Variants in NRXN2 observed in about 807,000 individuals in gnomAD.
NRXN2 encodes the protein neurexin 2.
In NRXN2, 29 loss-of-function variants were observed where a neutral mutation model predicts 128.8. That is an observed-to-expected ratio of 0.23 (90% CI 0.17 to 0.31). The LOEUF (loss-of-function observed/expected upper bound fraction) is 0.31, where lower values mean the gene tolerates loss of function less well. Ranked by LOEUF, NRXN2 falls within the 10% of genes least tolerant of loss-of-function variation. The pLI is 1.00. For synonymous variants in NRXN2, 1,098 were observed against 1,075.2 expected (o/e 1.02, Z -0.41); for missense variants, 1,881 against 2,452.6 (o/e 0.77, Z 4.92).
chr11:64,624,763 G>C (rs1418042812), intron 20 of NRXN2, among the ~76,000 whole-genome samples: 1 of 152,230 alleles, frequency 6.6e-6, no homozygotes, highest in Non-Finnish European at 1.5e-5. Flanking sequence ...TCTCTCTATT[G>C]TGAAGCATCT....
intron 1 of NRXN2, among the ~76,000 whole-genome samples, chr11:64,716,564 T>C (rs1295183271): frequency 1.3e-5 from 2 of 151,570 alleles, no homozygotes; most frequent in Non-Finnish European, 2.9e-5. Context: ...GTGGGAGGGG[T>C]GCCGTGCAGG....
intron 17 of NRXN2, among the ~76,000 whole-genome samples, chr11:64,646,017 A>G (rs1025078708): frequency 6.6e-6 from 1 of 152,170 alleles, no homozygotes; most frequent in Non-Finnish European, 1.5e-5. Flanking sequence ...ATGAAAAACC[A>G]GAGACAAGCT....
At chr11:64,702,877 C>A (rs1398184530) in intron 2 of NRXN2, among the ~76,000 whole-genome samples, 1 of 146,866 alleles carries the variant, frequency 6.8e-6, no homozygotes, top group Non-Finnish European at 1.5e-5. Context: ...GTAGTCCCAG[C>A]TACTCAGGAG....
At chr11:64,687,524 G>A (rs2053229224) in intron 5 of NRXN2, among the ~76,000 whole-genome samples, 1 of 152,214 alleles carries the variant, frequency 6.6e-6, no homozygotes, top group African/African-American at 2.4e-5. Flanking sequence ...GCTGGTGGGG[G>A]CCTGGGCAAC....
chr11:64,711,809 T>C (rs1162374014), intron 2 of NRXN2, among the ~76,000 whole-genome samples: 1 of 152,190 alleles, frequency 6.6e-6, no homozygotes, highest in Admixed American at 6.5e-5. Context: ...GTCAAGAGCC[T>C]GAGAAGCCTC....
chr11:64,666,903 T>C (rs1326953812), intron 9 of NRXN2, among the ~76,000 whole-genome samples: 1 of 152,080 alleles, frequency 6.6e-6, no homozygotes, highest in Non-Finnish European at 1.5e-5. Flanking sequence ...ATCTACTCTA[T>C]GTTGGCCACT....
Position 64,685,721 on chromosome 11 carries a change from G to A in NRXN2, c.1077C>T (p.Ala359=), listed in dbSNP as rs747366441. The change falls in exon 6 of 23, where the codon GCC becomes GCT. Residue 359 remains alanine (A), a synonymous_variant. Coordinates refer to ENST00000265459, the MANE Select transcript of NRXN2 (RefSeq NM_015080.4). The part of the protein sequence containing the change: ...VINLGSGAFE[A]LVEPVNGKFN... Reference sequence around the variant, plus strand: ...ACTTGCCATTGACGGGTTCCACAAGGGCCTCGAAGGCACCTGAGCCTAGGT... The same window carrying A: ...ACTTGCCATTGACGGGTTCCACAAGAGCCTCGAAGGCACCTGAGCCTAGGT... 3 of 1,614,240 alleles carry A rather than the reference G, an allele frequency of 1.9e-6. No individual in the cohort carries two copies. The highest frequency in any genetic ancestry group is 2.2e-5 in the East Asian group (1 of 44,884).
Position 64,685,887 on chromosome 11 carries a change from T to C in NRXN2, c.911A>G (p.His304Arg), listed in dbSNP as rs765437998. 1 of 1,614,186 alleles carries C rather than the reference T, an allele frequency of 6.2e-7. No homozygotes were observed. ...ATCAGTGCTGCTCTGGATGGGGTTG[T>C]GTGACAGGTCGTAGCAGAAGAACTC... ...GNEFFCYDLS[H>R]NPIQSSTDEI... The change falls in exon 6 of 23, where the codon CAC (histidine) becomes CGC (arginine). Residue 304 changes from histidine to arginine, a missense_variant. This residue lies in a region of NRXN2 where 997 missense variants were observed against 1,240.8 expected (regional missense o/e 0.80). Coordinates refer to ENST00000265459, the MANE Select transcript of NRXN2 (RefSeq NM_015080.4).
intron 6 of NRXN2, among the ~76,000 whole-genome samples, chr11:64,680,426 G>C (rs552084924): frequency 1.1e-4 from 17 of 152,130 alleles, no homozygotes; most frequent in Admixed American, 2.0e-4. Context: ...ATCCAAGAAC[G>C]ACAGAAGCAC....
chr11:64,711,592 C>T (rs949900961), intron 2 of NRXN2, among the ~76,000 whole-genome samples: 3 of 152,078 alleles, frequency 2.0e-5, no homozygotes, highest in Non-Finnish European at 4.4e-5. Context: ...CTCCGGGCAG[C>T]GCGGGTGCTG....
chr11:64,645,905 C>T (rs1565280322), intron 17 of NRXN2, among the ~76,000 whole-genome samples: 1 of 152,182 alleles, frequency 6.6e-6, no homozygotes, highest in Non-Finnish European at 1.5e-5. Flanking sequence ...CCAGGGCCTC[C>T]CACGGGTGAA....
rs2051417119 is a variant in NRXN2, at chr11:64,676,997, T to C, written c.1193A>G (p.Tyr398Cys). ...IGHAMVNKLHYLVTISVDGIL... is the reference protein window; with the variant it reads ...IGHAMVNKLHCLVTISVDGIL... The stretch of plus-strand genomic sequence containing the variant: ...GACAATTAGAGTGATATCTACCAGA[T>C]AATGCAGTTTGTTTACCATAGCGTG... The change falls in exon 7 of 23, where the codon TAT (tyrosine) becomes TGT (cysteine). Residue 398 changes from tyrosine to cysteine, a missense_variant. This residue lies in a region of NRXN2 where 997 missense variants were observed against 1,240.8 expected (regional missense o/e 0.80). Transcript: ENST00000265459. 6.2e-7 allele frequency: 1 copy of C among 1,610,818 alleles called. No homozygotes were observed. The highest frequency in any genetic ancestry group is 8.5e-7 in the Non-Finnish European group (1 of 1,178,918).
chr11:64,683,580 G>A (rs1318286719), intron 6 of NRXN2, among the ~76,000 whole-genome samples: 24 of 148,624 alleles, frequency 1.6e-4, no homozygotes, highest in African/African-American at 6.0e-4. Flanking sequence ...AGATCACGCC[G>A]CTGCACTCCA....
intron 6 of NRXN2, among the ~76,000 whole-genome samples, chr11:64,678,564 G>C (rs1181930705): frequency 6.6e-6 from 1 of 152,078 alleles, no homozygotes; most frequent in Admixed American, 6.5e-5. Context: ...TTTTCCCTAA[G>C]CTATAAGCCC....
At chr11:64,722,157 G>C (rs1015091574) in intron 1 of NRXN2, among the ~76,000 whole-genome samples, 3 of 151,978 alleles carry the variant, frequency 2.0e-5, no homozygotes, top group Admixed American at 1.3e-4. Context: ...CTTTAGGGGT[G>C]GGGGAGCAAG....
chr11:64,709,651 C>G (rs1313845578), intron 2 of NRXN2, among the ~76,000 whole-genome samples: 2 of 152,080 alleles, frequency 1.3e-5, no homozygotes, highest in Non-Finnish European at 2.9e-5. Context: ...TGCCTCAAGC[C>G]TTTATTCTCT....
In NRXN2 at chr11:64,690,450, C is replaced by A; in HGVS notation, c.805G>T (p.Gly269Trp). ...EVGSLLFSEG[G>W]AGRGGAGDVH... ...TCGCCGGCTCCTCCTCTCCCGGCCCCCCCCTCGGAGAACAGTAAGGACCCT... is the reference window on the plus strand; with the variant it reads ...TCGCCGGCTCCTCCTCTCCCGGCCCACCCCTCGGAGAACAGTAAGGACCCT... Residue 269 changes from glycine (G) to tryptophan (W), a missense_variant, in exon 5 of 23, where the codon GGG becomes TGG. Around this residue, in one of 7 missense-constraint regions of NRXN2, gnomAD observed 997 missense variants for 1,240.8 expected, o/e 0.80. Coordinates refer to ENST00000265459, the MANE Select transcript of NRXN2 (RefSeq NM_015080.4). 1.2e-6 allele frequency: 2 copies of A among 1,613,676 alleles called. No homozygotes were observed. Among genetic ancestry groups the A allele is most frequent in the Non-Finnish European group, 1.7e-6 (2 of 1,179,944 alleles).
chr11:64,713,206 G>T lies in NRXN2; in HGVS notation c.494C>A (p.Thr165Lys). 6.8e-7 allele frequency: 1 copy of T among 1,468,480 alleles called. No individual in the cohort carries two copies. The highest frequency in any genetic ancestry group is 9.0e-7 in the Non-Finnish European group (1 of 1,113,938). The allele number at this position is 1,468,480 out of a possible 1,614,324, so 91.0% of individuals were successfully genotyped here. ...CGGCTCGTACTTGACGGTGCTCAGC[G>T]TAAGCGCCGAGAGGCGCACGTCGGG... is the stretch of plus-strand genomic sequence containing the variant. ...IPPDVRLSAL[T>K]LSTVKYEPPF... is the part of the protein sequence containing the mutation. The change falls in exon 2 of 23, where the codon ACG becomes AAG. Residue 165 changes from threonine to lysine, a missense_variant. By Grantham distance (78) the Thr-to-Lys change is moderately conservative. Transcript: ENST00000265459.
chr11:64,624,577 A>C (rs369824570), intron 20 of NRXN2, among the ~76,000 whole-genome samples: 104 of 152,380 alleles, frequency 6.8e-4, no homozygotes, highest in Non-Finnish European at 1.2e-3. Flanking sequence ...AATCATGAGG[A>C]AAACAAAGGA....
Sources: allele counts gnomAD v4.1 joint callset (sites outside exome capture counted in the v4.1 genomes callset), GRCh38; gene constraint gnomAD v4.1.1; regional missense constraint gnomAD v4.1.1; transcripts MANE v1.5; gene names NCBI Gene and HGNC (gene_info 2026-07-23, HGNC 2026-07-21).